Variants in SPSB1 observed in about 807,000 individuals in gnomAD.
SPSB1 encodes the protein SPRY domain-containing SOCS box protein 1.
Under a neutral mutation model 21.2 loss-of-function variants are expected in SPSB1, and 8 were observed. The ratio of observed to expected loss-of-function variants is 0.38; its 90% CI spans 0.22 to 0.68. The LOEUF (loss-of-function observed/expected upper bound fraction) is 0.68, where lower values mean the gene tolerates loss of function less well. Among genes scored for constraint, SPSB1 ranks in the 30% least tolerant of loss-of-function variants. SPSB1 has a pLI of 0.53. For synonymous variants in SPSB1, 169 were observed against 161.7 expected, an observed-to-expected ratio of 1.05 and a Z score of -0.34; for missense variants, 242 against 377.8, an observed-to-expected ratio of 0.64 and a Z score of 2.98.
In SPSB1 at chr1:9,361,156, C is replaced by CCTTTTTTTTTTTTTTTTTTTTTG. The variant is rs1553128958; in HGVS notation, c.694+4571_694+4572insCTTTTTTTTTTTTTTTTTTTTTG. On this transcript the variant is annotated intron_variant, in intron 2 of 2. Transcript: ENST00000328089. ...CAGGCATGGCTGGATCTGTCATTTT[C>CCTTTTTTTTTTTTTTTTTTTTTG]TTTTTTTTTTTTTTTTTTTTTTTTT... is the stretch of plus-strand genomic sequence containing the variant. 2.3e-4 allele frequency among the ~76,000 whole-genome samples: 24 copies of CCTTTTTTTTTTTTTTTTTTTTTG among 102,576 alleles called. 4 individuals carry two copies. Among genetic ancestry groups the CCTTTTTTTTTTTTTTTTTTTTTG allele is most frequent in the South Asian group, 2.0e-3 (6 of 2,980 alleles). 67.3% of individuals were successfully genotyped at this position (102,576 alleles called of 152,430 possible).
rs57871457 is a variant in SPSB1 at position 9,361,156 on chromosome 1, C to CTTTTTTTTTT, written c.694+4589_694+4598dup. Among the ~76,000 whole-genome samples, 13 of 102,574 alleles carry CTTTTTTTTTT rather than the reference C, an allele frequency of 1.3e-4. 1 individual carries two copies. Among genetic ancestry groups the CTTTTTTTTTT allele is most frequent in the African/African-American group, 4.1e-4 (10 of 24,196 alleles). The allele number at this position is 102,574 out of a possible 152,430, so 67.3% of individuals were successfully genotyped here. ...CAGGCATGGCTGGATCTGTCATTTTCTTTTTTTTTTTTTTTTTTTTTTTTT... is the reference window on the plus strand; with the variant it reads ...CAGGCATGGCTGGATCTGTCATTTTCTTTTTTTTTTTTTTTTTTTTTTTTTTTTTTTTTTT... On this transcript the variant is annotated intron_variant, in intron 2 of 2. Coordinates refer to ENST00000328089, the MANE Select transcript of SPSB1 (RefSeq NM_025106.4).
In SPSB1 at chr1:9,293,443, G is replaced by T. The variant is rs1639153846; in HGVS notation, c.-150+372G>T. 1.3e-5 allele frequency among the ~76,000 whole-genome samples: 2 copies of T among 151,502 alleles called. No homozygotes were observed. The highest frequency in any genetic ancestry group is 3.0e-5 in the Non-Finnish European group (2 of 67,736). ...TGGGGCGCTCCGGGGCCGCCGACCC[G>T]TCCCCCCTTTAGCCCGGGGAAAGCG... is the stretch of plus-strand genomic sequence containing the variant. On this transcript the variant is annotated intron_variant, in intron 1 of 2. Coordinates refer to ENST00000328089, the MANE Select transcript of SPSB1 (RefSeq NM_025106.4). The surrounding 1 kb of genome is among the most constrained non-coding windows in gnomAD (Gnocchi z 5.1).
chr1:9,350,110 A>G (rs1381503652), intron 1 of SPSB1, among the ~76,000 whole-genome samples: 1 of 152,036 alleles, frequency 6.6e-6, no homozygotes, highest in African/African-American at 2.4e-5. Flanking sequence ...CTACACACAC[A>G]CACACACCCC....
rs1407554196 is a variant in SPSB1, at chr1:9,363,739, A to G, written c.695-3709A>G. On this transcript the variant is annotated intron_variant, in intron 2 of 2. Coordinates refer to ENST00000328089, the MANE Select transcript of SPSB1 (RefSeq NM_025106.4). The surrounding 1 kb of genome is among the most constrained non-coding windows in gnomAD (Gnocchi z 4.5). Reference sequence around the variant, plus strand: ...TTTGGAGATGGAGTCTCATTCTGTCACCCAGGCTGTAGTGCAGTGGCGCAA... The same window carrying G: ...TTTGGAGATGGAGTCTCATTCTGTCGCCCAGGCTGTAGTGCAGTGGCGCAA... Among the ~76,000 whole-genome samples, 1 of 151,552 alleles carries G rather than the reference A, an allele frequency of 6.6e-6. No homozygotes were observed. Among genetic ancestry groups the G allele is most frequent in the Non-Finnish European group, 1.5e-5 (1 of 67,928 alleles).
rs186466098 is a variant in SPSB1, at chr1:9,305,395, A to T, written c.-150+12324A>T. On this transcript the variant is annotated intron_variant, in intron 1 of 2. Coordinates refer to ENST00000328089, the MANE Select transcript of SPSB1 (RefSeq NM_025106.4). The surrounding 1 kb of genome is among the most constrained non-coding windows in gnomAD (Gnocchi z 4.8). ...GCCAGGGACAGCTGCTGTTGTGGGC[A>T]GCCCAGTGACCTGTGGGCTCCAGGA... Among the ~76,000 whole-genome samples, 542 of 152,334 alleles carry T rather than the reference A, an allele frequency of 3.6e-3. 1 individual carries two copies. The highest frequency in any genetic ancestry group is 6.1e-3 in the Non-Finnish European group (416 of 68,030).
intron 1 of SPSB1, among the ~76,000 whole-genome samples, chr1:9,313,817 G>A (rs75758127): frequency 0.018 from 2,750 of 152,330 alleles, 74 homozygotes; most frequent in African/African-American, 0.062. Context: ...AGTGAATGGA[G>A]GAGTGTTATC....
At chr1:9,325,219 A>G (rs1480179800) in intron 1 of SPSB1, among the ~76,000 whole-genome samples, 3 of 26,228 alleles carry the variant, frequency 1.1e-4, no homozygotes, top group Non-Finnish European at 3.3e-4. Flanking sequence ...AATGCCTCCC[A>G]CCACCACCCC....
intron 1 of SPSB1, among the ~76,000 whole-genome samples, chr1:9,343,180 A>G (rs921119422): frequency 1.3e-5 from 2 of 152,206 alleles, no homozygotes; most frequent in African/African-American, 4.8e-5. Flanking sequence ...GTCTTGTTCC[A>G]AAACAGTTTC....
rs556916978 is a variant in SPSB1 at position 9,367,283 on chromosome 1, A to G, written c.695-165A>G. Among the ~76,000 whole-genome samples, 14 of 152,344 alleles carry G rather than the reference A, an allele frequency of 9.2e-5. No individual in the cohort carries two copies. The South Asian group carries it at 2.5e-3, about 27-fold the overall frequency. ...CAGCCCAGGGTGGGCTCCTGGTGGCAGCTATTCACATGCTAAATTTAAAAT... is the reference window on the plus strand; with the variant it reads ...CAGCCCAGGGTGGGCTCCTGGTGGCGGCTATTCACATGCTAAATTTAAAAT... On this transcript the variant is annotated intron_variant, in intron 2 of 2. Coordinates refer to ENST00000328089, the MANE Select transcript of SPSB1 (RefSeq NM_025106.4). The surrounding 1 kb of genome is among the most constrained non-coding windows in gnomAD (Gnocchi z 5.9).
At chr1:9,313,443 C>T (rs760752754) in intron 1 of SPSB1, among the ~76,000 whole-genome samples, 4 of 152,160 alleles carry the variant, frequency 2.6e-5, no homozygotes, top group Non-Finnish European at 4.4e-5. Flanking sequence ...AAATAACTTG[C>T]CCAGGGCTGC....
At position 9,325,332 on chromosome 1, in the gene SPSB1, G is replaced by A. The variant is rs528694860; in HGVS notation, c.-149-30411G>A. 4.6e-5 allele frequency among the ~76,000 whole-genome samples: 7 copies of A among 152,052 alleles called. No individual in the cohort carries two copies. In the East Asian group the frequency reaches 1.4e-3, roughly 29 times the overall value. On this transcript the variant is annotated intron_variant, in intron 1 of 2. Coordinates refer to ENST00000328089, the MANE Select transcript of SPSB1 (RefSeq NM_025106.4). ...GGGACAGTCTGGGCTGTGTGGGATT[G>A]AGCTCTTGCCACCTTTGGGGAGTGA...
At chr1:9,327,669 T>G (rs1324108328) in intron 1 of SPSB1, among the ~76,000 whole-genome samples, 1 of 151,556 alleles carries the variant, frequency 6.6e-6, no homozygotes, top group Non-Finnish European at 1.5e-5. Flanking sequence ...ATTTGACCCC[T>G]GTTTCTTCAC....
intron 1 of SPSB1, among the ~76,000 whole-genome samples, chr1:9,327,936 G>A (rs2100489787): frequency 6.6e-6 from 1 of 152,346 alleles, no homozygotes; most frequent in South Asian, 2.1e-4. Context: ...GGGCCCTAAC[G>A]GGGCCCAGGA....
intron 1 of SPSB1, among the ~76,000 whole-genome samples, chr1:9,309,124 A>T (rs1042123735): frequency 4.6e-5 from 7 of 151,758 alleles, no homozygotes; most frequent in Non-Finnish European, 1.0e-4. Flanking sequence ...TGTAGCAGGG[A>T]GGGCATCAAA....
intron 1 of SPSB1, among the ~76,000 whole-genome samples, chr1:9,301,651 CT>C (rs1639331914): frequency 1.3e-5 from 2 of 152,236 alleles, no homozygotes; most frequent in Admixed American, 1.3e-4. Context: ...CTGGCCACCC[CT>C]GTCATCGCCT....
chr1:9,337,890 T>C (rs540882588), intron 1 of SPSB1, among the ~76,000 whole-genome samples: 16 of 152,100 alleles, frequency 1.1e-4, no homozygotes, highest in Non-Finnish European at 1.9e-4. Context: ...AGAGCACCTT[T>C]AGGGGCGGGA....
chr1:9,340,798 A>G (rs1044459493), intron 1 of SPSB1, among the ~76,000 whole-genome samples: 1 of 152,178 alleles, frequency 6.6e-6, no homozygotes, highest in African/African-American at 2.4e-5. Flanking sequence ...CAGAGGAAAT[A>G]CCTTTCTCAA....
intron 1 of SPSB1, among the ~76,000 whole-genome samples, chr1:9,353,650 T>C (rs1363097182): frequency 2.6e-5 from 4 of 152,042 alleles, no homozygotes; most frequent in South Asian, 2.1e-4. Flanking sequence ...CTGGGCGCAG[T>C]GGTTCCCACC....
At chr1:9,344,934 G>C (rs895959963) in intron 1 of SPSB1, among the ~76,000 whole-genome samples, 1 of 152,192 alleles carries the variant, frequency 6.6e-6, no homozygotes, top group Non-Finnish European at 1.5e-5. Context: ...CCCATGGAGA[G>C]AGGTCAGAGT....
Sources: gnomAD v4.1 joint callset for allele counts (sites outside exome capture counted in the v4.1 genomes callset) on GRCh38, gnomAD v4.1.1 for gene constraint, Gnocchi (gnomAD v3.1) non-coding constraint, MANE v1.5 for transcripts, NCBI Gene and HGNC (gene_info 2026-07-23, HGNC 2026-07-21) for gene names.